PRKN: variants seen among roughly 807,000 people sequenced by gnomAD.
The protein encoded by PRKN is E3 ubiquitin-protein ligase parkin.
PRKN carries 56 observed loss-of-function variants against 59.5 expected under a neutral mutation model. The observed-to-expected ratio is 0.94, with a 90% CI of 0.76 to 1.18. The LOEUF is 1.18. PRKN is among the 50% of genes most tolerant of loss of function. PRKN has a pLI of 0.00. For missense variants in PRKN, 657 were observed against 596.4 expected (o/e 1.10, Z -1.06); for synonymous variants, 250 against 222.1 (o/e 1.13, Z -1.12).
chr6:161,976,691 C>T (rs114671274), intron 5 of PRKN, among the ~76,000 whole-genome samples: 194 of 152,274 alleles, frequency 1.3e-3, no homozygotes, highest in African/African-American at 3.7e-3. Flanking sequence ...TTATGAAATA[C>T]GCTGAGCTAG....
intron 2 of PRKN, among the ~76,000 whole-genome samples, chr6:162,289,944 G>A (rs562262136): frequency 6.6e-6 from 1 of 152,268 alleles, no homozygotes; most frequent in South Asian, 2.1e-4. Context: ...TGACCTACCT[G>A]GAAGTAAGAG....
At chr6:161,926,054 T>C in intron 6 of PRKN, among the ~76,000 whole-genome samples, 1 of 152,226 alleles carries the variant, frequency 6.6e-6, no homozygotes, top group East Asian at 1.9e-4. Context: ...CAGTAGAAGC[T>C]GAAGTAAGTT....
rs548115956 is a variant in PRKN at position 161,757,357 on chromosome 6, A to C, written c.871+28415T>G. On this transcript the variant is annotated intron_variant, in intron 7 of 11. Transcript: ENST00000366898. The stretch of plus-strand genomic sequence containing the variant: ...ATCTGATAAAATACTTGCATGTAGA[A>C]TATATAAAGAATTCTTACATTTTTA... 4.6e-5 allele frequency among the ~76,000 whole-genome samples: 7 copies of C among 152,344 alleles called. No homozygotes were observed. In the East Asian group the frequency reaches 1.4e-3, roughly 29 times the overall value.
At chr6:162,686,487 A>C (rs942331010) in intron 1 of PRKN, among the ~76,000 whole-genome samples, 23 of 152,102 alleles carry the variant, frequency 1.5e-4, no homozygotes, top group Middle Eastern at 6.8e-3. Flanking sequence ...AGGTAGGAAA[A>C]CCCATTTGGA....
intron 7 of PRKN, among the ~76,000 whole-genome samples, chr6:161,710,355 C>T (rs1027147506): frequency 2.0e-5 from 3 of 152,148 alleles, no homozygotes; most frequent in South Asian, 2.1e-4. Flanking sequence ...CACGTAAACC[C>T]GTCCTAAGTT....
intron 9 of PRKN, among the ~76,000 whole-genome samples, chr6:161,424,887 A>T (rs1788261520): frequency 1.3e-5 from 2 of 152,302 alleles, no homozygotes; most frequent in East Asian, 3.9e-4. Context: ...AAGAGACAGC[A>T]GCCACGATGT....
intron 1 of PRKN, among the ~76,000 whole-genome samples, chr6:162,661,168 G>A (rs1014091179): frequency 1.3e-5 from 2 of 152,044 alleles, no homozygotes; most frequent in Non-Finnish European, 2.9e-5. Flanking sequence ...GGCTGAGGCA[G>A]GAGAATGGCT....
At chr6:161,663,893 G>A (rs1403905107) in intron 7 of PRKN, among the ~76,000 whole-genome samples, 1 of 152,162 alleles carries the variant, frequency 6.6e-6, no homozygotes, top group Non-Finnish European at 1.5e-5. Flanking sequence ...TGCTGCACAT[G>A]GGGGAGTGGC....
intron 8 of PRKN, among the ~76,000 whole-genome samples, chr6:161,569,092 A>G (rs909125286): frequency 4.7e-4 from 71 of 152,298 alleles, no homozygotes; most frequent in African/African-American, 1.7e-3. Flanking sequence ...ATCTGCCACT[A>G]TGCAGTGCTT....
intron 5 of PRKN, among the ~76,000 whole-genome samples, chr6:162,031,186 A>G (rs1175805929): frequency 6.6e-6 from 1 of 152,060 alleles, no homozygotes; most frequent in East Asian, 1.9e-4. Context: ...TGATCTAGGA[A>G]TGGTGAGAAA....
At chr6:161,650,365 T>A (rs1452574604) in intron 7 of PRKN, among the ~76,000 whole-genome samples, 2 of 152,208 alleles carry the variant, frequency 1.3e-5, no homozygotes, top group African/African-American at 4.8e-5. Context: ...TTAAGGTATG[T>A]TGATGTATTT....
chr6:162,618,725 C>T (rs916461613), intron 1 of PRKN, among the ~76,000 whole-genome samples: 3 of 152,190 alleles, frequency 2.0e-5, no homozygotes, highest in African/African-American at 4.8e-5. Flanking sequence ...AGTGTCCTAA[C>T]AGATGGGCTT....
At chr6:161,934,277 A>G (rs573649898) in intron 6 of PRKN, among the ~76,000 whole-genome samples, 25 of 152,238 alleles carry the variant, frequency 1.6e-4, no homozygotes, top group African/African-American at 5.8e-4. Flanking sequence ...GCATCCCCAG[A>G]CATGTGGAAC....
chr6:162,201,437 C>T (rs981075923), intron 3 of PRKN, among the ~76,000 whole-genome samples, 185 bp from the exon 4 acceptor site: 9 of 152,182 alleles, frequency 5.9e-5, no homozygotes, highest in African/African-American at 1.9e-4. Flanking sequence ...ACTTTATGCT[C>T]CAAGAGTGAA....
intron 5 of PRKN, among the ~76,000 whole-genome samples, chr6:162,006,192 C>A (rs1782246627): frequency 6.6e-6 from 1 of 152,152 alleles, no homozygotes; most frequent in Non-Finnish European, 1.5e-5. Context: ...GTTCCTAGCA[C>A]CCAGCAGTTG....
chr6:162,072,375 G>T (rs1778615956), intron 4 of PRKN, among the ~76,000 whole-genome samples: 2 of 152,200 alleles, frequency 1.3e-5, no homozygotes, highest in African/African-American at 4.8e-5. Flanking sequence ...AGAGAGCTGG[G>T]TTTTAAGCTG....
chr6:161,907,927 A>G (rs1244964079), intron 6 of PRKN, among the ~76,000 whole-genome samples: 1 of 152,026 alleles, frequency 6.6e-6, no homozygotes, highest in Non-Finnish European at 1.5e-5. Flanking sequence ...AATACACAAA[A>G]ATTAGCCGGG....
chr6:162,336,999 G>A (rs1583402336), intron 2 of PRKN, among the ~76,000 whole-genome samples: 1 of 152,322 alleles, frequency 6.6e-6, no homozygotes, highest in Middle Eastern at 3.4e-3. Context: ...GGTCAGAGGT[G>A]TAATTAGAAG....
At position 162,364,404 on chromosome 6, in the gene PRKN, C is replaced by T. The variant is rs908797013; in HGVS notation, c.171+78906G>A. ...TTCCAATTACACAGTGGTGTTCAAACAGAAGAAATTCCAAACTTTTCTTCC... is the reference window on the plus strand; with the variant it reads ...TTCCAATTACACAGTGGTGTTCAAATAGAAGAAATTCCAAACTTTTCTTCC... On this transcript the variant is annotated intron_variant, in intron 2 of 11. Transcript: ENST00000366898. 3.9e-5 allele frequency among the ~76,000 whole-genome samples: 6 copies of T among 152,204 alleles called. No homozygotes were observed. In the South Asian group the frequency reaches 6.2e-4, roughly 16 times the overall value.
Sources: gnomAD v4.1 joint callset for allele counts (sites outside exome capture counted in the v4.1 genomes callset) on GRCh38, gnomAD v4.1.1 for gene constraint, MANE v1.5 for transcripts, NCBI Gene and HGNC (gene_info 2026-07-23, HGNC 2026-07-21) for gene names.